VPS41: variants seen among roughly 807,000 people sequenced by gnomAD.
The protein encoded by VPS41 is VPS41 subunit of HOPS complex, also known as vacuolar protein sorting-associated protein 41 homolog.
In VPS41, 85 loss-of-function variants were observed where a neutral mutation model predicts 130.9. The ratio of observed to expected loss-of-function variants is 0.65; its 90% CI spans 0.55 to 0.78. The LOEUF (loss-of-function observed/expected upper bound fraction) is 0.78. VPS41 is among the 30% of genes least tolerant of loss of function. The pLI is 0.00. For missense variants in VPS41, 874 were observed against 1,018.7 expected (o/e 0.86, Z 1.93); for synonymous variants, 335 against 332.9 (o/e 1.01, Z -0.07).
intron 5 of VPS41, among the ~76,000 whole-genome samples, chr7:38,826,901 C>G (rs976371526): frequency 6.6e-6 from 1 of 152,178 alleles, no homozygotes; most frequent in African/African-American, 2.4e-5. Flanking sequence ...TCACTGCAAG[C>G]TCTGCCTCCC....
chr7:38,756,894 T>A lies in VPS41; in HGVS notation c.1639A>T (p.Asn547Tyr). The A allele has an allele frequency of 6.3e-7, 1 of 1,599,960 alleles. No homozygotes were observed. Among genetic ancestry groups the A allele is most frequent in the Non-Finnish European group, 8.6e-7 (1 of 1,168,550 alleles). Residue 547 changes from asparagine to tyrosine, a missense_variant, in exon 19 of 29, where the codon AAT becomes TAT. Asn to Tyr is a moderately radical substitution (Grantham distance 143). Coordinates refer to ENST00000310301, the MANE Select transcript of VPS41 (RefSeq NM_014396.4). ...KDVFQLIHKHNLFSSIKDKIV... is the reference protein window; with the variant it reads ...KDVFQLIHKHYLFSSIKDKIV... ...TTATCCTTGATAGAACTGAAAAGAT[T>A]ATGCTTGTGGATCAACTGAAAAACG...
At chr7:38,838,302 A>G (rs2116210775) in intron 4 of VPS41, among the ~76,000 whole-genome samples, 1 of 152,344 alleles carries the variant, frequency 6.6e-6, no homozygotes, top group Admixed American at 6.5e-5. Flanking sequence ...GAAACCTTCT[A>G]GTACAGGATT....
intron 25 of VPS41, 82 bp downstream of exon 25, chr7:38,741,903 A>C: frequency 6.6e-7 from 1 of 1,513,592 alleles, no homozygotes; most frequent in Non-Finnish European, 8.9e-7. Flanking sequence ...TTTAACTGAT[A>C]CCTAACATAA....
At chr7:38,846,272 T>C (rs1399752666) in intron 4 of VPS41, among the ~76,000 whole-genome samples, 1 of 152,230 alleles carries the variant, frequency 6.6e-6, no homozygotes, top group Non-Finnish European at 1.5e-5. Context: ...GTTCCACAAG[T>C]GACTTGACTT....
intron 8 of VPS41, among the ~76,000 whole-genome samples, chr7:38,795,878 C>T (rs1784609721): frequency 6.6e-6 from 1 of 152,184 alleles, no homozygotes; most frequent in Admixed American, 6.5e-5. Flanking sequence ...AATGTACAAA[C>T]ATCAATAGCT....
chr7:38,839,525 A>C (rs1785565034), intron 4 of VPS41, among the ~76,000 whole-genome samples: 1 of 152,004 alleles, frequency 6.6e-6, no homozygotes, highest in South Asian at 2.1e-4. Flanking sequence ...TAACCAGCAG[A>C]AGAAGGGATT....
rs555404379 is a variant in VPS41, at chr7:38,758,463, G to C, written c.1441C>G (p.Arg481Gly). The C allele has an allele frequency of 3.7e-6, 6 of 1,612,142 alleles. No homozygotes were observed. The highest frequency in any genetic ancestry group is 2.5e-6 in the Non-Finnish European group (3 of 1,179,396). The change falls in exon 18 of 29, where the codon CGA becomes GGA. Residue 481 changes from arginine to glycine, a missense_variant. Transcript: ENST00000310301. Reference sequence around the variant, plus strand: ...TTATACAGATCTCCAGGCCATTCTCGGATCAATGTGGCAAAACCCTAACCA... The same window carrying C: ...TTATACAGATCTCCAGGCCATTCTCCGATCAATGTGGCAAAACCCTAACCA... ...SDYEGFATLI[R>G]EWPGDLYNNS...
At chr7:38,781,964 G>A (rs369821859) in intron 10 of VPS41, among the ~76,000 whole-genome samples, 14 of 152,240 alleles carry the variant, frequency 9.2e-5, no homozygotes, top group African/African-American at 2.4e-4. Flanking sequence ...TGGATTTAAC[G>A]TTGCTTGCTT....
intron 1 of VPS41, among the ~76,000 whole-genome samples, chr7:38,908,207 C>T (rs1230464132): frequency 1.4e-5 from 2 of 143,236 alleles, no homozygotes. Context: ...CAACTGACAG[C>T]CCTGTTAACT....
At chr7:38,779,106 T>C (rs1401705095) in intron 10 of VPS41, among the ~76,000 whole-genome samples, 1 of 152,240 alleles carries the variant, frequency 6.6e-6, no homozygotes, top group Non-Finnish European at 1.5e-5. Context: ...CAATTCCAGA[T>C]GTTGTAATAA....
intron 7 of VPS41, among the ~76,000 whole-genome samples, chr7:38,806,249 T>C (rs1029138186): frequency 1.3e-5 from 2 of 152,202 alleles, no homozygotes; most frequent in Non-Finnish European, 2.9e-5. Context: ...AACCTTTGAT[T>C]CAGTAATTCC....
intron 6 of VPS41, among the ~76,000 whole-genome samples, chr7:38,820,968 TGA>T (rs1562598476): frequency 6.6e-6 from 1 of 152,062 alleles, no homozygotes; most frequent in African/African-American, 2.4e-5. Context: ...TATGTGTGTG[TGA>T]GTGATCTCAC....
Position 38,862,522 on chromosome 7 carries a change from ATTATT to A in VPS41, c.246+18_246+22del. Reference sequence around the variant, plus strand: ...ACTTAACATGAAGTTTAGCTCATACATTATTTTATACAGAATACTTACTACATCAA... The same window carrying A: ...ACTTAACATGAAGTTTAGCTCATACATTATACAGAATACTTACTACATCAA... On this transcript the variant is annotated intron_variant, in intron 4 of 28. Transcript: ENST00000310301. 7.0e-7 allele frequency: 1 copy of A among 1,429,672 alleles called. No homozygotes were observed. Among genetic ancestry groups the A allele is most frequent in the Non-Finnish European group, 9.7e-7 (1 of 1,032,560 alleles). The allele number at this position is 1,429,672 out of a possible 1,614,324, so 88.6% of individuals were successfully genotyped here.
intron 25 of VPS41, among the ~76,000 whole-genome samples, chr7:38,731,184 T>C (rs1039317107): frequency 6.6e-6 from 1 of 152,222 alleles, no homozygotes; most frequent in Non-Finnish European, 1.5e-5. Context: ...TATGAGACTA[T>C]CCTCTATAGA....
chr7:38,829,350 T>C (rs1785341372), intron 5 of VPS41, among the ~76,000 whole-genome samples: 1 of 152,234 alleles, frequency 6.6e-6, no homozygotes. Context: ...CCGGGTATAC[T>C]GTTTTTAATT....
At chr7:38,755,054 A>G in intron 19 of VPS41, 118 bp from the exon 20 acceptor site, 1 of 863,796 alleles carries the variant, frequency 1.2e-6, no homozygotes, top group Non-Finnish European at 1.8e-6. Context: ...TGTATACTTA[A>G]GGAGGCCCTT....
At chr7:38,747,916 C>A (rs1311209663) in intron 22 of VPS41, among the ~76,000 whole-genome samples, 4 of 152,116 alleles carry the variant, frequency 2.6e-5, no homozygotes, top group Non-Finnish European at 5.9e-5. Context: ...TGAAGGTAAG[C>A]TGAAGTTAGG....
chr7:38,759,104 T>C (rs1406544052), intron 17 of VPS41, among the ~76,000 whole-genome samples: 2 of 152,252 alleles, frequency 1.3e-5, no homozygotes, highest in Non-Finnish European at 2.9e-5. Flanking sequence ...GAGGTGGTAG[T>C]GGGAATTCCA....
chr7:38,799,681 A>T (rs1584401809), intron 7 of VPS41, among the ~76,000 whole-genome samples: 1 of 152,354 alleles, frequency 6.6e-6, no homozygotes, highest in South Asian at 2.1e-4. Flanking sequence ...CAAAGGGATT[A>T]TTTCTAGAAA....
Sources: allele counts gnomAD v4.1 joint callset (sites outside exome capture counted in the v4.1 genomes callset), GRCh38; gene constraint gnomAD v4.1.1; transcripts MANE v1.5; gene names NCBI Gene and HGNC (gene_info 2026-07-23, HGNC 2026-07-21).